The following NBEA variants were observed in gnomAD, a reference collection of about 807,000 sequenced individuals.
NBEA encodes neurobeachin.
Under a neutral mutation model 343.4 loss-of-function variants are expected in NBEA, and 44 were observed. The observed-to-expected ratio is 0.13, with a 90% CI of 0.10 to 0.16. The LOEUF (loss-of-function observed/expected upper bound fraction) is 0.16, where lower values mean the gene tolerates loss of function less well. Ranked by LOEUF, NBEA falls within the 10% of genes least tolerant of loss-of-function variation. The pLI is 1.00. For synonymous variants in NBEA, 1,175 were observed against 1,238.7 expected (o/e 0.95, Z 1.08); for missense variants, 2,555 against 3,631.3 (o/e 0.70, Z 7.62).
intron 1 of NBEA, 107 bp downstream of exon 1, chr13:34,943,221 C>G: frequency 7.0e-7 from 1 of 1,431,870 alleles, no homozygotes; most frequent in South Asian, 1.3e-5. Context: ...CGCCGCGCGT[C>G]CCTGGGAGCG....
intron 35 of NBEA, among the ~76,000 whole-genome samples, chr13:35,306,778 T>A (rs1293905022): frequency 2.0e-5 from 3 of 152,104 alleles, no homozygotes; most frequent in Non-Finnish European, 2.9e-5. Flanking sequence ...CTGCTTCTGT[T>A]CTTAAATTTT....
chr13:35,455,897 A>C (rs544634287), intron 40 of NBEA, among the ~76,000 whole-genome samples: 8 of 152,196 alleles, frequency 5.3e-5, no homozygotes, highest in African/African-American at 1.9e-4. Context: ...CAAATAGTAC[A>C]TTTAAATGTG....
At chr13:35,022,488 C>T (rs2061878286) in intron 1 of NBEA, among the ~76,000 whole-genome samples, 1 of 151,938 alleles carries the variant, frequency 6.6e-6, no homozygotes, top group Admixed American at 6.6e-5. Context: ...TTTTACTTGC[C>T]TTTGTTTCTT....
chr13:35,595,425 C>T (rs1593318324), intron 47 of NBEA, among the ~76,000 whole-genome samples: 1 of 152,068 alleles, frequency 6.6e-6, no homozygotes, highest in Non-Finnish European at 1.5e-5. Context: ...TCATTTTCAG[C>T]TCTCTTACCA....
chr13:35,184,343 A>G (rs116880181), intron 30 of NBEA, among the ~76,000 whole-genome samples: 4,959 of 152,126 alleles, frequency 0.033, 110 homozygotes, highest in South Asian at 0.078. Context: ...GAGAGATCTC[A>G]GGAGAGTCAC....
At chr13:35,400,632 T>C (rs950601397) in intron 38 of NBEA, among the ~76,000 whole-genome samples, 3 of 152,028 alleles carry the variant, frequency 2.0e-5, no homozygotes, top group South Asian at 4.1e-4. Flanking sequence ...CTATAAAATC[T>C]GATTCAACCC....
intron 33 of NBEA, among the ~76,000 whole-genome samples, chr13:35,222,260 C>T (rs1185618941): frequency 6.6e-6 from 1 of 151,956 alleles, no homozygotes; most frequent in Non-Finnish European, 1.5e-5. Context: ...TCCAATTAAA[C>T]ATTTTCAACT....
chr13:35,175,852 A>G (rs958433603), intron 27 of NBEA, among the ~76,000 whole-genome samples: 2 of 152,064 alleles, frequency 1.3e-5, no homozygotes, highest in Middle Eastern at 3.2e-3. Flanking sequence ...ATGTGACCTC[A>G]TTTTTATACT....
intron 49 of NBEA, among the ~76,000 whole-genome samples, chr13:35,631,666 A>T (rs1480561181): frequency 4.8e-5 from 7 of 145,266 alleles, no homozygotes; most frequent in Non-Finnish European, 1.1e-4. Context: ...AAAAAATTCT[A>T]CTACTTGCCT....
intron 38 of NBEA, among the ~76,000 whole-genome samples, chr13:35,416,214 A>G (rs2043898112): frequency 6.6e-6 from 1 of 152,140 alleles, no homozygotes; most frequent in Non-Finnish European, 1.5e-5. Flanking sequence ...TTCCTAATTG[A>G]ATACCCTTTA....
At chr13:35,056,168 G>A in intron 7 of NBEA, 39 bp downstream of exon 7, 1 of 1,528,324 alleles carries the variant, frequency 6.5e-7, no homozygotes, top group Non-Finnish European at 8.8e-7. Flanking sequence ...TAATTTGTTT[G>A]GGAGTATGAT....
At chr13:35,580,951 A>G (rs78794699) in intron 45 of NBEA, among the ~76,000 whole-genome samples, 5,138 of 152,274 alleles carry the variant, frequency 0.034, 317 homozygotes, top group African/African-American at 0.12. Flanking sequence ...AGAAGATTGA[A>G]AAAGATTAGA....
intron 38 of NBEA, among the ~76,000 whole-genome samples, chr13:35,401,095 C>A (rs367957980): frequency 6.6e-6 from 1 of 151,876 alleles, no homozygotes. Flanking sequence ...TCTATTTGTT[C>A]TCCTTTCCAC....
chr13:35,327,573 C>T (rs1027642903), intron 36 of NBEA, among the ~76,000 whole-genome samples: 3 of 151,836 alleles, frequency 2.0e-5, no homozygotes, highest in African/African-American at 4.8e-5. Flanking sequence ...GTGAGCTAAA[C>T]GTTGGATAAA....
chr13:35,430,703 C>T (rs2045046060), intron 38 of NBEA, among the ~76,000 whole-genome samples: 1 of 152,018 alleles, frequency 6.6e-6, no homozygotes, highest in African/African-American at 2.4e-5. Context: ...GCTCTCTGAC[C>T]ACTTTTGGTG....
chr13:35,645,836 CTTCATGT>C, intron 49 of NBEA, 26 bp from the exon 50 acceptor site: 1 of 1,359,644 alleles, frequency 7.4e-7, no homozygotes, highest in Non-Finnish European at 1.0e-6. Context: ...AATTGGTAGA[CTTCATGT>C]CTCATTCTTT....
At chr13:35,599,616 T>C (rs961020413) in intron 47 of NBEA, among the ~76,000 whole-genome samples, 2 of 152,226 alleles carry the variant, frequency 1.3e-5, no homozygotes, top group Non-Finnish European at 2.9e-5. Flanking sequence ...CCTCTTAAAC[T>C]CTTAGGCTGC....
intron 38 of NBEA, among the ~76,000 whole-genome samples, chr13:35,376,862 G>A (rs1197852): frequency 0.24 from 36,174 of 151,980 alleles, 5,839 homozygotes; most frequent in African/African-American, 0.46. Flanking sequence ...GCCTGCCTCC[G>A]GTTGACCATG....
intron 40 of NBEA, among the ~76,000 whole-genome samples, chr13:35,463,641 A>T (rs745770781): frequency 1.3e-5 from 2 of 152,108 alleles, no homozygotes; most frequent in Non-Finnish European, 2.9e-5. Context: ...AACCAGAAAA[A>T]GTTGCAGACT....
Sources: allele counts gnomAD v4.1 joint callset (sites outside exome capture counted in the v4.1 genomes callset), GRCh38; gene constraint gnomAD v4.1.1; transcripts MANE v1.5; gene names NCBI Gene and HGNC (gene_info 2026-07-23, HGNC 2026-07-21).